CD164: variants seen among roughly 807,000 people sequenced by gnomAD.
CD164 encodes sialomucin core protein 24.
CD164 carries 11 observed loss-of-function variants against 24.6 expected under a neutral mutation model. That is an observed-to-expected ratio of 0.45 (90% CI 0.28 to 0.74). The LOEUF (loss-of-function observed/expected upper bound fraction) is 0.74, where lower values mean the gene tolerates loss of function less well. CD164 is among the 30% of genes least tolerant of loss of function. The probability of loss-of-function intolerance (pLI) is 0.13; values close to 1 mark genes in which losing one functional copy is unlikely to be tolerated. For synonymous variants in CD164, 126 were observed against 100.3 expected (o/e 1.26, Z -1.53); for missense variants, 295 against 243.7 (o/e 1.21, Z -1.40).
chr6:109,381,386 G>A (rs755411999), intron 1 of CD164: 5 of 647,098 alleles, frequency 7.7e-6, no homozygotes, highest in Non-Finnish European at 1.4e-5. Flanking sequence ...TACGCTATCT[G>A]AGCACAGGAC....
intron 3 of CD164, 57 bp downstream of exon 3, chr6:109,377,843 A>G (rs1771500942): frequency 7.9e-7 from 1 of 1,263,560 alleles, no homozygotes. Context: ...TTTCTGAGGC[A>G]ATGATCTTCC....
Position 109,382,230 on chromosome 6 carries a change from A to T in CD164, c.149T>A (p.Leu50His). Residue 50 changes from leucine to histidine, a missense_variant, in exon 1 of 6, where the codon CTC (leucine) becomes CAC (histidine). By Grantham distance (99) the Leu-to-His change is moderately conservative. Transcript: ENST00000310786. The part of the protein sequence containing the change: ...SNVTSAPVTS[L>H]PLVTTPAPET... ...TGGTGCCGGAGTGGTGACCAGCGGG[A>T]GGGACGTCACCGGCGCCGAGGTTAC... 1 of 1,579,354 alleles carries T rather than the reference A, an allele frequency of 6.3e-7. No individual in the cohort carries two copies.
chr6:109,381,759 G>A (rs1771764107), intron 1 of CD164: 1 of 577,146 alleles, frequency 1.7e-6, no homozygotes, highest in African/African-American at 1.9e-5. Context: ...TACCTCCGGA[G>A]AGAGGCGCCG....
intron 4 of CD164, chr6:109,371,703 C>T (rs1343683161): frequency 1.3e-5 from 2 of 153,710 alleles, no homozygotes; most frequent in Non-Finnish European, 2.9e-5. Flanking sequence ...TTTGCTGGAG[C>T]ATTTGAGAAA....
chr6:109,378,838 G>C (rs1308583799), intron 2 of CD164, among the ~76,000 whole-genome samples: 5 of 150,654 alleles, frequency 3.3e-5, no homozygotes, highest in Non-Finnish European at 7.4e-5. Flanking sequence ...ATAATTTCTA[G>C]AACTATTAAA....
At position 109,381,575 on chromosome 6, in the gene CD164, A is replaced by G. The variant is rs1170788139; in HGVS notation, c.175+629T>C. Reference sequence around the variant, plus strand: ...CATGGGTACTTTTCTTCCTTTTCGCATACTTTGAAGTGTGAAGTTTTCACT... The same window carrying G: ...CATGGGTACTTTTCTTCCTTTTCGCGTACTTTGAAGTGTGAAGTTTTCACT... On this transcript the variant is annotated intron_variant, in intron 1 of 5. Transcript: ENST00000310786. 4.3e-6 allele frequency: 3 copies of G among 702,490 alleles called. No individual in the cohort carries two copies. In the Admixed American group the frequency reaches 6.0e-5, roughly 14 times the overall value. The allele number at this position is 702,490 out of a possible 1,614,324, so 43.5% of individuals were successfully genotyped here. A position where few individuals can be genotyped will look rare whatever the true frequency, so the allele number is the denominator to read the frequency against.
At position 109,368,391 on chromosome 6, in the gene CD164, CTAAAT is replaced by C. The variant is rs1770888444; in HGVS notation, c.*455_*459del. On this transcript the variant is annotated 3_prime_UTR_variant, in exon 6 of 6. Coordinates refer to ENST00000310786, the MANE Select transcript of CD164 (RefSeq NM_006016.6). ...AATCTAAGGATACCATTTAGTACTACTAAATTAATAAATTTATTCCACTTTTGAAA... is the reference window on the plus strand; with the variant it reads ...AATCTAAGGATACCATTTAGTACTACTAATAAATTTATTCCACTTTTGAAA... 1.4e-6 allele frequency: 2 copies of C among 1,472,580 alleles called. No individual in the cohort carries two copies. Among genetic ancestry groups the C allele is most frequent in the South Asian group, 1.4e-5 (1 of 73,466 alleles). The allele number at this position is 1,472,580 out of a possible 1,614,324, so 91.2% of individuals were successfully genotyped here. A position where few individuals can be genotyped will look rare whatever the true frequency, so the allele number is the denominator to read the frequency against.
rs1770929034 is a variant in CD164, at chr6:109,368,996, G to A, written c.449C>T (p.Thr150Ile). The A allele has an allele frequency of 6.2e-7, 1 of 1,613,072 alleles. No individual in the cohort carries two copies. The highest frequency in any genetic ancestry group is 8.5e-7 in the Non-Finnish European group (1 of 1,179,572). ...CTTTCGCACAGGTTGTGAGGTTGGA[G>A]TCACAGTGTTATTTGTTGTACCTGT... The part of the protein sequence containing the change: ...TTSGTTNNTV[T>I]PTSQPVRKST... The change falls in exon 6 of 6, where the codon ACT (threonine) becomes ATT (isoleucine). Residue 150 changes from threonine (T) to isoleucine (I), a missense_variant. Transcript: ENST00000310786.
Position 109,368,690 on chromosome 6 carries a change from T to C in CD164, c.*161A>G. 1 of 1,383,030 alleles carries C rather than the reference T, an allele frequency of 7.2e-7. No individual in the cohort carries two copies. Among genetic ancestry groups the C allele is most frequent in the East Asian group, 2.7e-5 (1 of 36,688 alleles). The allele number at this position is 1,383,030 out of a possible 1,614,324, so 85.7% of individuals were successfully genotyped here. ...GTTGAACACAATGATTTAATTGATT[T>C]TTTCTTCACGGATGATGCTCCCAAA... On this transcript the variant is annotated 3_prime_UTR_variant, in exon 6 of 6. Coordinates refer to ENST00000310786, the MANE Select transcript of CD164 (RefSeq NM_006016.6).
Position 109,382,380 on chromosome 6 carries a change from G to A in CD164, c.-2C>T. 1 of 1,533,746 alleles carries A rather than the reference G, an allele frequency of 6.5e-7. No individual in the cohort carries two copies. The highest frequency in any genetic ancestry group is 8.7e-7 in the Non-Finnish European group (1 of 1,145,142). On this transcript the variant is annotated 5_prime_UTR_variant, in exon 1 of 6. It adds an upstream start codon to the 5' untranslated region. Transcript: ENST00000310786. Reference sequence around the variant, plus strand: ...CAGTGAGCGGGAGAGCCGCGACATCGTGTCCTCAGCGCTGGCGTTCGGGAG... The same window carrying A: ...CAGTGAGCGGGAGAGCCGCGACATCATGTCCTCAGCGCTGGCGTTCGGGAG...
intron 1 of CD164, chr6:109,380,094 A>G (rs1369441128): frequency 7.6e-6 from 1 of 131,678 alleles, no homozygotes; most frequent in African/African-American, 4.2e-5. Context: ...TAGTAACAGT[A>G]GTAGTTTAAC....
intron 1 of CD164, chr6:109,381,864 C>A (rs544287512): frequency 5.6e-5 from 27 of 485,184 alleles, no homozygotes; most frequent in Non-Finnish European, 8.8e-5. Flanking sequence ...CCCACCGCTG[C>A]CCCCGCGGAA....
chr6:109,382,394 G>A lies in CD164; in HGVS notation c.-16C>T, dbSNP rs756978913. 6 of 1,512,258 alleles carry A rather than the reference G, an allele frequency of 4.0e-6. No homozygotes were observed. In the Admixed American group the frequency reaches 8.2e-5, roughly 21 times the overall value. 93.7% of individuals were successfully genotyped at this position (1,512,258 alleles called of 1,614,324 possible). ...GCCGCGACATCGTGTCCTCAGCGCT[G>A]GCGTTCGGGAGAAAGCTAAGGCTCG... On this transcript the variant is annotated 5_prime_UTR_variant, in exon 1 of 6. Coordinates refer to ENST00000310786, the MANE Select transcript of CD164 (RefSeq NM_006016.6).
intron 4 of CD164, among the ~76,000 whole-genome samples, chr6:109,375,531 C>T (rs1338106633): frequency 5.3e-5 from 8 of 149,824 alleles, no homozygotes; most frequent in African/African-American, 1.7e-4. Context: ...GCAGGAGAAT[C>T]GCTTGAACTT....
chr6:109,379,391 G>T (rs1378494112), intron 2 of CD164, among the ~76,000 whole-genome samples, 188 bp downstream of exon 2: 1 of 152,174 alleles, frequency 6.6e-6, no homozygotes, highest in East Asian at 1.9e-4. Flanking sequence ...GAATCTAAAG[G>T]GAGGATGGGA....
Position 109,367,605 on chromosome 6 carries a change from G to C in CD164, c.*1246C>G, listed in dbSNP as rs536516743. On this transcript the variant is annotated 3_prime_UTR_variant, in exon 6 of 6. Coordinates refer to ENST00000310786, the MANE Select transcript of CD164 (RefSeq NM_006016.6). The stretch of plus-strand genomic sequence containing the variant: ...CTATGGGAAACCAAGAAGGAAGGGA[G>C]AGAAAAAGAAAAAGCACAGTCTATT... 3 of 152,462 alleles carry C rather than the reference G, an allele frequency of 2.0e-5. No individual in the cohort carries two copies. In the South Asian group the frequency reaches 6.2e-4, roughly 32 times the overall value. The allele number at this position is 152,462 out of a possible 1,614,324, so 9.4% of individuals were successfully genotyped here.
intron 5 of CD164, 144 bp downstream of exon 5, chr6:109,370,267 T>C: frequency 1.5e-6 from 1 of 646,106 alleles, no homozygotes; most frequent in Non-Finnish European, 2.7e-6. Flanking sequence ...AACAAAGCAC[T>C]ACCTTGATCC....
At chr6:109,377,800 G>A (rs1386683608) in intron 3 of CD164, 100 bp downstream of exon 3, 3 of 796,634 alleles carry the variant, frequency 3.8e-6, no homozygotes, top group Admixed American at 1.8e-5. Flanking sequence ...TGAGAATTAT[G>A]GCAATGCTTC....
intron 3 of CD164, 55 bp downstream of exon 3, chr6:109,377,845 T>C: frequency 2.3e-6 from 3 of 1,289,680 alleles, no homozygotes; most frequent in South Asian, 2.4e-5. Context: ...TCTGAGGCAA[T>C]GATCTTCCTC....
Sources: gnomAD v4.1 joint callset for allele counts (sites outside exome capture counted in the v4.1 genomes callset) on GRCh38, gnomAD v4.1.1 for gene constraint, MANE v1.5 for transcripts, NCBI Gene and HGNC (gene_info 2026-07-23, HGNC 2026-07-21) for gene names.